Variants in HEMK2 observed in about 807,000 individuals in gnomAD.
HEMK2 encodes the protein HemK methyltransferase 2, ETF1 glutamine and histone H4 lysine.
chr21:28,851,726 T>C, the HEMK2 span, among the ~76,000 whole-genome samples: 3 of 152,196 alleles, frequency 2.0e-5, no homozygotes, highest in East Asian at 1.9e-4. Flanking sequence ...ATCAATGTAA[T>C]AGACCAGTGT....
the HEMK2 span, among the ~76,000 whole-genome samples, chr21:28,721,022 G>A: frequency 1.3e-5 from 2 of 152,172 alleles, no homozygotes; most frequent in Admixed American, 1.3e-4. Flanking sequence ...CAGTATAGTA[G>A]CTACCAGCAA....
the HEMK2 span, among the ~76,000 whole-genome samples, chr21:28,815,737 A>G: frequency 6.6e-6 from 1 of 152,224 alleles, no homozygotes; most frequent in Non-Finnish European, 1.5e-5. Context: ...TAAAAGCAAC[A>G]GCATCAAAAA....
chr21:28,592,444 G>A, the HEMK2 span, among the ~76,000 whole-genome samples: 1 of 152,188 alleles, frequency 6.6e-6, no homozygotes, highest in African/African-American at 2.4e-5. Flanking sequence ...AAAACTGCCT[G>A]TAGACAATAC....
At chr21:28,794,521 G>A in the HEMK2 span, among the ~76,000 whole-genome samples, 136 of 152,314 alleles carry the variant, frequency 8.9e-4, 1 homozygote, top group East Asian at 0.022. Flanking sequence ...CAATTAAATG[G>A]AGGCATTCAT....
chr21:28,818,382 G>C, the HEMK2 span, among the ~76,000 whole-genome samples: 1 of 152,166 alleles, frequency 6.6e-6, no homozygotes, highest in African/African-American at 2.4e-5. Context: ...TCAGCTTGCA[G>C]ATGGCCTATT....
At chr21:28,849,503 T>C in the HEMK2 span, among the ~76,000 whole-genome samples, 62 of 152,338 alleles carry the variant, frequency 4.1e-4, no homozygotes, top group African/African-American at 1.3e-3. Context: ...ACTAGTTCCC[T>C]AGCAGTGATT....
At chr21:28,842,191 G>A in the HEMK2 span, among the ~76,000 whole-genome samples, 1 of 152,042 alleles carries the variant, frequency 6.6e-6, no homozygotes, top group African/African-American at 2.4e-5. Flanking sequence ...TTGACATAAT[G>A]GCTAGCCTAA....
the HEMK2 span, among the ~76,000 whole-genome samples, chr21:28,764,565 G>A: frequency 2.6e-5 from 4 of 152,100 alleles, no homozygotes; most frequent in Non-Finnish European, 5.9e-5. Flanking sequence ...TCCTATAAAA[G>A]ATAAAGAAGC....
chr21:28,765,919 T>C, the HEMK2 span, among the ~76,000 whole-genome samples: 1 of 152,058 alleles, frequency 6.6e-6, no homozygotes, highest in African/African-American at 2.4e-5. Context: ...GATACCACCA[T>C]ACTCCTGCAA....
At chr21:28,632,411 T>C in the HEMK2 span, among the ~76,000 whole-genome samples, 17 of 152,288 alleles carry the variant, frequency 1.1e-4, no homozygotes, top group Non-Finnish European at 2.2e-4. Flanking sequence ...GGCAGCAAAA[T>C]TGTAGTTGAA....
At chr21:28,815,432 T>C in the HEMK2 span, among the ~76,000 whole-genome samples, 5 of 151,220 alleles carry the variant, frequency 3.3e-5, no homozygotes, top group Admixed American at 3.3e-4. Context: ...GCCTTGAAGA[T>C]GCTAAGCTGG....
chr21:28,665,362 T>A, the HEMK2 span, among the ~76,000 whole-genome samples: 1 of 117,828 alleles, frequency 8.5e-6, no homozygotes, highest in Non-Finnish European at 1.7e-5. Flanking sequence ...TTTTTTACTT[T>A]TTAATTTTCT....
chr21:28,661,190 A>C, the HEMK2 span, among the ~76,000 whole-genome samples: 2 of 151,958 alleles, frequency 1.3e-5, no homozygotes, highest in African/African-American at 4.8e-5. Context: ...TCTATCTTTG[A>C]TGTCTAATTA....
At chr21:28,659,700 T>C in the HEMK2 span, among the ~76,000 whole-genome samples, 1 of 152,094 alleles carries the variant, frequency 6.6e-6, no homozygotes, top group Non-Finnish European at 1.5e-5. Context: ...GCCCAAAGGA[T>C]ACCATTATTT....
the HEMK2 span, among the ~76,000 whole-genome samples, chr21:28,614,829 A>C: frequency 6.6e-6 from 1 of 151,158 alleles, no homozygotes; most frequent in Non-Finnish European, 1.5e-5. Context: ...GCCTCTAAGG[A>C]CAGCACAAAA....
chr21:28,819,244 C>T, the HEMK2 span, among the ~76,000 whole-genome samples: 1 of 142,184 alleles, frequency 7.0e-6, no homozygotes, highest in African/African-American at 2.6e-5. Context: ...TTTGCTGAGT[C>T]AAAATGTGCC....
chr21:28,821,014 T>A, the HEMK2 span, among the ~76,000 whole-genome samples: 21 of 152,358 alleles, frequency 1.4e-4, no homozygotes, highest in Admixed American at 8.5e-4. Flanking sequence ...TACTTTTCCA[T>A]AAACCAAATG....
the HEMK2 span, among the ~76,000 whole-genome samples, chr21:28,868,356 A>T: frequency 6.6e-6 from 1 of 152,224 alleles, no homozygotes; most frequent in Non-Finnish European, 1.5e-5. Flanking sequence ...AGTCATAAAC[A>T]TAAAATAACT....
the HEMK2 span, among the ~76,000 whole-genome samples, chr21:28,848,941 G>C: frequency 6.6e-6 from 1 of 152,062 alleles, no homozygotes; most frequent in African/African-American, 2.4e-5. Context: ...ACTGGTATGA[G>C]TGCACGCAGG....
Sources: allele counts gnomAD v4.1 joint callset (sites outside exome capture counted in the v4.1 genomes callset), GRCh38; gene constraint gnomAD v4.1.1; transcripts MANE v1.5; gene names NCBI Gene and HGNC (gene_info 2026-07-23, HGNC 2026-07-21).